The following AHI1 variants were observed in gnomAD, a reference collection of about 807,000 sequenced individuals.
AHI1 encodes jouberin.
A neutral mutation model predicts 149.3 loss-of-function variants in AHI1; 123 were observed. The ratio of observed to expected loss-of-function variants is 0.82; its 90% CI spans 0.71 to 0.96. The LOEUF (loss-of-function observed/expected upper bound fraction) is 0.96. Among genes scored for constraint, AHI1 ranks in the 40% least tolerant of loss-of-function variants. The pLI, the probability that AHI1 is intolerant of heterozygous loss-of-function variation, is 0.00. For missense variants in AHI1, 1,439 were observed against 1,422.7 expected (o/e 1.01, Z -0.18); for synonymous variants, 475 against 459.8 (o/e 1.03, Z -0.42).
intron 27 of AHI1, among the ~76,000 whole-genome samples, chr6:135,291,836 A>C (rs1020864612): frequency 1.4e-4 from 21 of 152,154 alleles, no homozygotes; most frequent in African/African-American, 4.8e-4. Context: ...TCTGAAGTGT[A>C]CCCTTTTGGC....
intron 4 of AHI1, among the ~76,000 whole-genome samples, chr6:135,490,962 C>T (rs2128134781): frequency 6.6e-6 from 1 of 152,276 alleles, no homozygotes; most frequent in African/African-American, 2.4e-5. Context: ...TTTGGCCACT[C>T]ACTCTAAAAG....
rs189144258 is a variant in AHI1, at chr6:135,438,782, T to C, written c.1913-284A>G. Among the ~76,000 whole-genome samples the C allele has an allele frequency of 5.9e-5, 9 of 152,302 alleles. No homozygotes were observed. In the East Asian group the frequency reaches 1.3e-3, roughly 23 times the overall value. ...CTAAGAATCTTTAATAATAAATTTATATCAGTTGAATAATAACATTTACAT... is the reference window on the plus strand; with the variant it reads ...CTAAGAATCTTTAATAATAAATTTACATCAGTTGAATAATAACATTTACAT... On this transcript the variant is annotated intron_variant, in intron 14 of 28. Transcript: ENST00000265602.
intron 14 of AHI1, among the ~76,000 whole-genome samples, chr6:135,438,821 T>C (rs1215244537): frequency 1.3e-5 from 2 of 152,168 alleles, no homozygotes; most frequent in African/African-American, 4.8e-5. Context: ...AATTCACTTA[T>C]ATTCTATAAT....
At position 135,288,577 on chromosome 6, in the gene AHI1, A is replaced by T. The variant is rs1221122081; in HGVS notation, c.3588+1846T>A. 2.6e-5 allele frequency among the ~76,000 whole-genome samples: 4 copies of T among 152,078 alleles called. No homozygotes were observed. In the East Asian group the frequency reaches 7.7e-4, roughly 29 times the overall value. On this transcript the variant is annotated intron_variant, in intron 28 of 28. Coordinates refer to ENST00000265602, the MANE Select transcript of AHI1 (RefSeq NM_001134831.2). ...CATGTCTTTTGATGTATATTATATAAACTATTTTATAATCATTTTTTACTT... is the reference window on the plus strand; with the variant it reads ...CATGTCTTTTGATGTATATTATATATACTATTTTATAATCATTTTTTACTT...
intron 23 of AHI1, among the ~76,000 whole-genome samples, chr6:135,363,672 G>A (rs1369867310): frequency 2.0e-4 from 30 of 147,948 alleles, no homozygotes; most frequent in African/African-American, 6.5e-4. Context: ...CTGGCCGGGC[G>A]GGGGGCTGAC....
chr6:135,323,297 T>G lies in AHI1; in HGVS notation c.3193A>C (p.Asn1065His), dbSNP rs768599539. Residue 1065 changes from asparagine (N) to histidine (H), a missense_variant, in exon 25 of 29, where the codon AAT becomes CAT. Coordinates refer to ENST00000265602, the MANE Select transcript of AHI1 (RefSeq NM_001134831.2). Reference protein sequence around the residue: ...TVVALYDYTANRSDELTIHRG... With the variant: ...TVVALYDYTAHRSDELTIHRG... ...TGGATGGTTAGTTCATCTGATCGATTCGCTGTGTAGTCATAAAGAGCCACT... is the reference window on the plus strand; with the variant it reads ...TGGATGGTTAGTTCATCTGATCGATGCGCTGTGTAGTCATAAAGAGCCACT... 1 of 1,613,804 alleles carries G rather than the reference T, an allele frequency of 6.2e-7. No homozygotes were observed. Among genetic ancestry groups the G allele is most frequent in the South Asian group, 1.1e-5 (1 of 90,992 alleles).
At chr6:135,400,960 G>GT (rs1412942853) in intron 22 of AHI1, among the ~76,000 whole-genome samples, 2 of 152,066 alleles carry the variant, frequency 1.3e-5, no homozygotes, top group East Asian at 3.9e-4. Flanking sequence ...TGTGATTCTT[G>GT]TTTTTTCTTC....
Position 135,394,759 on chromosome 6 carries a change from G to T in AHI1, c.3109+17C>A. 2 of 1,609,290 alleles carry T rather than the reference G, an allele frequency of 1.2e-6. No homozygotes were observed. Among genetic ancestry groups the T allele is most frequent in the Non-Finnish European group, 1.7e-6 (2 of 1,177,308 alleles). ...CTGAACATTTAAAAGAATTGTCAAA[G>T]TAAGAAAGGGGCTCACCGGTCTGAG... On this transcript the variant is annotated intron_variant, in intron 23 of 28. Coordinates refer to ENST00000265602, the MANE Select transcript of AHI1 (RefSeq NM_001134831.2).
At chr6:135,466,496 G>A (rs1583377585) in intron 6 of AHI1, 123 bp from the exon 7 acceptor site, 3 of 890,392 alleles carry the variant, frequency 3.4e-6, no homozygotes, top group South Asian at 3.5e-5. Flanking sequence ...TTTTTCATCT[G>A]GACATAGTGA....
chr6:135,350,872 C>G (rs896053982), intron 24 of AHI1, among the ~76,000 whole-genome samples: 1 of 151,814 alleles, frequency 6.6e-6, no homozygotes, highest in Non-Finnish European at 1.5e-5. Flanking sequence ...CCCTATAGGC[C>G]CTAGGAAAGG....
intron 22 of AHI1, among the ~76,000 whole-genome samples, chr6:135,402,574 C>T (rs1562679895): frequency 6.6e-6 from 1 of 151,826 alleles, no homozygotes; most frequent in Non-Finnish European, 1.5e-5. Flanking sequence ...TAAGTTACAC[C>T]AAGAGTGCCT....
chr6:135,355,462 A>G (rs1441670987), intron 24 of AHI1, among the ~76,000 whole-genome samples: 1 of 152,220 alleles, frequency 6.6e-6, no homozygotes, highest in Admixed American at 6.5e-5. Flanking sequence ...ACAAAGGGAC[A>G]GAGGTGGTTT....
chr6:135,362,397 A>C (rs1299364207), intron 23 of AHI1, among the ~76,000 whole-genome samples: 5 of 152,162 alleles, frequency 3.3e-5, no homozygotes, highest in African/African-American at 1.2e-4. Flanking sequence ...AATGGCAAAA[A>C]CTGCAGTAAC....
At chr6:135,407,750 T>A (rs576294035) in intron 21 of AHI1, among the ~76,000 whole-genome samples, 2 of 152,142 alleles carry the variant, frequency 1.3e-5, no homozygotes, top group South Asian at 2.1e-4. Context: ...CAGTGGCTCA[T>A]GCCTGTAATC....
At chr6:135,400,472 A>T (rs891025892) in intron 22 of AHI1, among the ~76,000 whole-genome samples, 2 of 152,154 alleles carry the variant, frequency 1.3e-5, no homozygotes, top group Admixed American at 1.3e-4. Context: ...AAAAAAAAAA[A>T]AGATGAAGTT....
intron 20 of AHI1, among the ~76,000 whole-genome samples, chr6:135,417,646 T>C (rs538610540): frequency 5.9e-5 from 9 of 152,134 alleles, no homozygotes; most frequent in African/African-American, 2.2e-4. Flanking sequence ...CACTTGTTTT[T>C]TTCATCTAAA....
chr6:135,478,832 T>C (rs983289733), intron 5 of AHI1, among the ~76,000 whole-genome samples: 4 of 152,254 alleles, frequency 2.6e-5, no homozygotes, highest in Admixed American at 2.6e-4. Context: ...AATGGTTTCA[T>C]GGGCCAGGCC....
chr6:135,337,236 T>C (rs972101385), intron 24 of AHI1, among the ~76,000 whole-genome samples: 1 of 152,200 alleles, frequency 6.6e-6, no homozygotes, highest in Non-Finnish European at 1.5e-5. Context: ...AAAGTACTTT[T>C]CTTCATACTA....
At chr6:135,358,701 CCT>C (rs1427484021) in intron 23 of AHI1, among the ~76,000 whole-genome samples, 8 of 152,144 alleles carry the variant, frequency 5.3e-5, no homozygotes, top group Non-Finnish European at 7.4e-5. Context: ...AAAATGTTCC[CCT>C]GATTCCCTCC....
Sources: gnomAD v4.1 joint callset for allele counts (sites outside exome capture counted in the v4.1 genomes callset) on GRCh38, gnomAD v4.1.1 for gene constraint, MANE v1.5 for transcripts, NCBI Gene and HGNC (gene_info 2026-07-23, HGNC 2026-07-21) for gene names.